Variants in LARGE1 observed in about 807,000 individuals in gnomAD.
LARGE1 encodes xylosyl- and glucuronyltransferase LARGE1.
A neutral mutation model predicts 87.6 loss-of-function variants in LARGE1; 43 were observed. The observed-to-expected ratio is 0.49, with a 90% confidence interval of 0.38 to 0.63. The LOEUF (loss-of-function observed/expected upper bound fraction) is 0.63, where lower values mean the gene tolerates loss of function less well. LARGE1 is among the 30% of genes least tolerant of loss of function. LARGE1 has a pLI of 0.00. For synonymous variants in LARGE1, 434 were observed against 394.6 expected, an observed-to-expected ratio of 1.10 and a Z score of -1.18; for missense variants, 802 against 1,000.2, an observed-to-expected ratio of 0.80 and a Z score of 2.67.
chr22:33,637,905 T>C (rs73400711), intron 3 of LARGE1, among the ~76,000 whole-genome samples: 7,404 of 152,274 alleles, frequency 0.049, 531 homozygotes, highest in African/African-American at 0.16. Context: ...CCTGGCTATG[T>C]AGCAATAAGT....
At chr22:33,599,624 T>C (rs1273946475) in intron 5 of LARGE1, among the ~76,000 whole-genome samples, 1 of 152,162 alleles carries the variant, frequency 6.6e-6, no homozygotes, top group Non-Finnish European at 1.5e-5. Flanking sequence ...CCACAGTTCG[T>C]TTTTAATCAT....
At chr22:33,160,602 C>T (rs1049769057), downstream of LARGE1, among the ~76,000 whole-genome samples, 1 of 152,214 alleles carries the variant, frequency 6.6e-6, no homozygotes, top group Non-Finnish European at 1.5e-5. Context: ...GTGACAGATG[C>T]TCTGTGTTGT....
chr22:33,175,766 G>T (rs183878188), intron 11 of LARGE1, among the ~76,000 whole-genome samples: 297 of 152,130 alleles, frequency 2.0e-3, no homozygotes, highest in Non-Finnish European at 2.9e-3. Flanking sequence ...TCCCCATCAA[G>T]TTACCATTGA....
At chr22:33,428,101 CA>C (rs2066941968) in intron 7 of LARGE1, among the ~76,000 whole-genome samples, 1 of 152,066 alleles carries the variant, frequency 6.6e-6, no homozygotes, top group South Asian at 2.1e-4. Context: ...TCTTTCTGAC[CA>C]AAGGGCTTGG....
chr22:33,475,947 A>G (rs1287157975), intron 6 of LARGE1, among the ~76,000 whole-genome samples: 2 of 152,232 alleles, frequency 1.3e-5, no homozygotes, highest in Non-Finnish European at 2.9e-5. Context: ...ACTAAGCCAA[A>G]GATAAAAGTC....
intron 2 of LARGE1, among the ~76,000 whole-genome samples, chr22:33,753,752 G>GCTA (rs1205390907): frequency 1.3e-5 from 2 of 152,106 alleles, no homozygotes; most frequent in Non-Finnish European, 2.9e-5. Flanking sequence ...AAGACCAAAG[G>GCTA]CTACGTATAA....
At chr22:33,493,154 CTTTT>C (rs750203810) in intron 6 of LARGE1, among the ~76,000 whole-genome samples, 1 of 109,170 alleles carries the variant, frequency 9.2e-6, no homozygotes. Context: ...GCATGGTGGC[CTTTT>C]TTTTTTTTTT....
In LARGE1 at chr22:33,790,941, C is replaced by T. The variant is rs548094712; in HGVS notation, c.-82-29383G>A. ...TTTTGTTTTTGCTTTAAAAGGCCCA[C>T]AAGCACATATCCTTTCAAGGTGAAC... On this transcript the variant is annotated intron_variant, in intron 1 of 14. Transcript: ENST00000397394. 2.6e-5 allele frequency among the ~76,000 whole-genome samples: 4 copies of T among 152,310 alleles called. No homozygotes were observed. In the South Asian group the frequency reaches 8.3e-4, roughly 32 times the overall value.
intron 6 of LARGE1, among the ~76,000 whole-genome samples, chr22:33,563,427 C>T (rs113987583): frequency 0.023 from 3,571 of 152,242 alleles, 64 homozygotes; most frequent in African/African-American, 0.045. Context: ...ATTCGATAAA[C>T]GCCAGTTGAA....
chr22:33,564,383 A>G lies in LARGE1; in HGVS notation c.787+465T>C, dbSNP rs2077958850. 4.6e-5 allele frequency among the ~76,000 whole-genome samples: 7 copies of G among 152,184 alleles called. No homozygotes were observed. The South Asian group carries it at 1.4e-3, about 31-fold the overall frequency. On this transcript the variant is annotated intron_variant, in intron 6 of 14. Transcript: ENST00000397394. ...CACCAGACTAGAAAGAACGTCTTGT[A>G]AAGAAAGCCAAATACATACATCTCC...
intron 1 of LARGE1, among the ~76,000 whole-genome samples, chr22:33,794,767 G>T (rs905501239): frequency 1.4e-4 from 22 of 152,002 alleles, no homozygotes; most frequent in African/African-American, 5.3e-4. Flanking sequence ...TTACAGGTAC[G>T]TGCCACCACA....
intron 9 of LARGE1, among the ~76,000 whole-genome samples, chr22:33,346,310 T>C (rs1939755412): frequency 6.6e-6 from 1 of 151,634 alleles, no homozygotes. Context: ...TCTTTTTCTT[T>C]TTTTTTTCTG....
chr22:33,884,118 G>C (rs1694983206), intron 1 of LARGE1, among the ~76,000 whole-genome samples: 1 of 152,190 alleles, frequency 6.6e-6, no homozygotes, highest in Non-Finnish European at 1.5e-5. Context: ...AAGTCAGGTG[G>C]TCTCTGCCCA....
chr22:33,880,790 C>A (rs2064656279), intron 1 of LARGE1, among the ~76,000 whole-genome samples: 1 of 152,194 alleles, frequency 6.6e-6, no homozygotes, highest in South Asian at 2.1e-4. Context: ...TTACTTTTGA[C>A]ATACATATTA....
At chr22:33,287,072 G>A (rs1298851809) in intron 12 of LARGE1, among the ~76,000 whole-genome samples, 2 of 152,228 alleles carry the variant, frequency 1.3e-5, no homozygotes, top group Non-Finnish European at 2.9e-5. Flanking sequence ...GACAGACCAT[G>A]CTCTAAAGAC....
At chr22:33,663,427 C>T (rs1162473391) in intron 2 of LARGE1, among the ~76,000 whole-genome samples, 2 of 152,098 alleles carry the variant, frequency 1.3e-5, no homozygotes, top group Admixed American at 1.3e-4. Flanking sequence ...AACTCAATAC[C>T]ACTATAAGGC....
intron 2 of LARGE1, among the ~76,000 whole-genome samples, chr22:33,704,527 C>T (rs762044385): frequency 3.9e-5 from 6 of 152,114 alleles, no homozygotes; most frequent in East Asian, 1.9e-4. Flanking sequence ...CCTCATCTGC[C>T]GGGAGCCTCT....
chr22:33,115,442 T>C, the LARGE1 span, among the ~76,000 whole-genome samples: 5 of 144,390 alleles, frequency 3.5e-5, no homozygotes, highest in African/African-American at 1.4e-4. Flanking sequence ...AGAGTGAGAC[T>C]ACCTCTCAAA....
At chr22:33,089,778 A>T in the LARGE1 span, among the ~76,000 whole-genome samples, 115,779 of 151,380 alleles carry the variant, frequency 0.76, 44,923 homozygotes, top group East Asian at 0.98. Flanking sequence ...TTACAGATAC[A>T]GAGCCACCAT....
Sources: allele counts gnomAD v4.1 joint callset (sites outside exome capture counted in the v4.1 genomes callset), GRCh38; gene constraint gnomAD v4.1.1; transcripts MANE v1.5; gene names NCBI Gene and HGNC (gene_info 2026-07-23, HGNC 2026-07-21).